CDH3: variants seen among roughly 807,000 people sequenced by gnomAD.
CDH3 encodes the protein cadherin 3.
CDH3 carries 54 observed loss-of-function variants against 82.0 expected under a neutral mutation model. The observed-to-expected ratio is 0.66, with a 90% confidence interval of 0.53 to 0.83. The LOEUF is 0.83. Ranked by LOEUF, CDH3 falls within the 40% of genes least tolerant of loss-of-function variation. The probability of loss-of-function intolerance (pLI) is 0.00; values close to 1 mark genes in which losing one functional copy is unlikely to be tolerated. For synonymous variants in CDH3, 446 were observed against 437.9 expected, an observed-to-expected ratio of 1.02 and a Z score of -0.23; for missense variants, 1,054 against 1,084.6, an observed-to-expected ratio of 0.97 and a Z score of 0.40.
At chr16:68,703,332 G>A (rs537404587), downstream of CDH3, among the ~76,000 whole-genome samples, 6 of 152,274 alleles carry the variant, frequency 3.9e-5, no homozygotes, top group Admixed American at 2.6e-4. Flanking sequence ...GCCCACAAAG[G>A]GACTCAGGGA....
intron 2 of CDH3, among the ~76,000 whole-genome samples, chr16:68,726,286 C>T (rs1466061065): frequency 6.6e-6 from 1 of 152,142 alleles, no homozygotes; most frequent in Non-Finnish European, 1.5e-5. Context: ...CTGGTTCCAG[C>T]CCTGGTCACC....
Position 68,672,560 on chromosome 16 carries a change from G to A in CDH3, c.161-3825G>A, listed in dbSNP as rs537994303. Among the ~76,000 whole-genome samples the A allele has an allele frequency of 5.6e-4, 85 of 152,308 alleles. 2 individuals are homozygous for A. In the South Asian group the frequency reaches 0.017, roughly 30 times the overall value. On this transcript the variant is annotated intron_variant, in intron 2 of 15. Coordinates refer to ENST00000264012, the MANE Select transcript of CDH3 (RefSeq NM_001793.6). The stretch of plus-strand genomic sequence containing the variant: ...TACAAAGCTGTGTGCTGGCAATAAA[G>A]GGCAGGGCCACCTGGGGATCGTGTG...
chr16:68,703,337 CAG>C (rs923835938), downstream of CDH3, among the ~76,000 whole-genome samples: 5 of 152,208 alleles, frequency 3.3e-5, no homozygotes, highest in Admixed American at 6.5e-5. Context: ...CAAAGGGACT[CAG>C]GGAGAAGACC....
intron 2 of CDH3, among the ~76,000 whole-genome samples, chr16:68,726,274 C>A (rs567657730): frequency 2.0e-5 from 3 of 152,230 alleles, no homozygotes; most frequent in South Asian, 4.1e-4. Context: ...CCAAATGCCC[C>A]TCTGGTTCCA....
intron 6 of CDH3, among the ~76,000 whole-genome samples, chr16:68,679,431 C>T (rs1028955236): frequency 2.6e-5 from 4 of 152,162 alleles, no homozygotes; most frequent in Admixed American, 1.3e-4. Flanking sequence ...CGGTGGCCCA[C>T]GCCTGGAACC....
chr16:68,717,729 C>T lies in CDH3; in HGVS notation c.100-4696C>T, dbSNP rs373580862. Among the ~76,000 whole-genome samples, 13 of 150,274 alleles carry T rather than the reference C, an allele frequency of 8.7e-5. No homozygotes were observed. The South Asian group carries it at 1.7e-3, about 19-fold the overall frequency. ...TAGACGTTGCAGTGAGTTGAGATGG[C>T]GCCATTGCACTCCAGCCTGGGGGAT... On this transcript the variant is annotated intron_variant, in intron 1 of 2. Coordinates refer to the CDH3 transcript ENST00000569080.
downstream of CDH3, among the ~76,000 whole-genome samples, chr16:68,731,952 AACT>A (rs2152112604): frequency 6.6e-6 from 1 of 152,350 alleles, no homozygotes; most frequent in Non-Finnish European, 1.5e-5. Context: ...AATTGCAAAA[AACT>A]ACTGTTGGGG....
rs771124314 is a variant in CDH3 at position 68,687,623 on chromosome 16, T to C, written c.1682T>C (p.Val561Ala). The C allele has an allele frequency of 8.1e-6, 13 of 1,613,990 alleles. No individual in the cohort carries two copies. The highest frequency in any genetic ancestry group is 1.7e-6 in the Non-Finnish European group (2 of 1,180,000). The change falls in exon 12 of 16, where the codon GTG (valine) becomes GCG (alanine). Residue 561 changes from valine to alanine, a missense_variant. Val to Ala is a moderately conservative substitution (Grantham distance 64). Transcript: ENST00000264012. ...RQITICNQSP[V>A]RQVLNITDKD... is the part of the protein sequence containing the mutation. ...ATCACCATCTGCAACCAAAGCCCTG[T>C]GCGCCAGGTGCTGAACATCACGGAC...
intron 2 of CDH3, among the ~76,000 whole-genome samples, chr16:68,662,319 A>G (rs1422773813): frequency 1.3e-5 from 2 of 152,148 alleles, no homozygotes; most frequent in Non-Finnish European, 2.9e-5. Context: ...TTTTTAGGAC[A>G]TGGTGACATG....
intron 12 of CDH3, among the ~76,000 whole-genome samples, chr16:68,689,981 C>CT (rs913347988): frequency 6.6e-6 from 1 of 152,180 alleles, no homozygotes; most frequent in African/African-American, 2.4e-5. Context: ...CAGCTCCCTT[C>CT]TTGAGAAAGT....
At chr16:68,651,197 C>G in intron 2 of CDH3, 1 of 512,180 alleles carries the variant, frequency 2.0e-6, no homozygotes, top group Non-Finnish European at 4.0e-6. Context: ...TGGTTAGCAC[C>G]CTGCAGGTAG....
chr16:68,671,884 G>T (rs939051237), intron 2 of CDH3, among the ~76,000 whole-genome samples: 4 of 152,038 alleles, frequency 2.6e-5, no homozygotes, highest in African/African-American at 9.7e-5. Flanking sequence ...GGCCATTTTA[G>T]GTACCAGTGG....
intron 15 of CDH3, among the ~76,000 whole-genome samples, chr16:68,697,847 TA>T (rs1280096383): frequency 6.6e-6 from 1 of 152,000 alleles, no homozygotes; most frequent in East Asian, 1.9e-4. Flanking sequence ...ATGCATCCTT[TA>T]AAAAAGGAAG....
At chr16:68,658,182 GC>G (rs1960458618) in intron 2 of CDH3, among the ~76,000 whole-genome samples, 1 of 151,426 alleles carries the variant, frequency 6.6e-6, no homozygotes, top group Admixed American at 6.6e-5. Context: ...TCCTGTGTGA[GC>G]CATCATTCCT....
intron 2 of CDH3, among the ~76,000 whole-genome samples, chr16:68,648,686 G>A (rs1362904566): frequency 6.6e-6 from 1 of 151,964 alleles, no homozygotes; most frequent in Non-Finnish European, 1.5e-5. Flanking sequence ...CTGGGCTCAA[G>A]CAATCTTCCC....
Position 68,682,457 on chromosome 16 carries a change from G to C in CDH3, c.1152G>C (p.Glu384Asp). The C allele has an allele frequency of 1.2e-6, 2 of 1,614,114 alleles. No homozygotes were observed. The highest frequency in any genetic ancestry group is 1.6e-4 in the Middle Eastern group (1 of 6,062). Residue 384 changes from glutamate (E) to aspartate (D), a missense_variant, in exon 9 of 16, where the codon GAG becomes GAC. Physicochemically the swap from Glu to Asp is conservative, Grantham distance 45 (BLOSUM62 2). Coordinates refer to ENST00000264012, the MANE Select transcript of CDH3 (RefSeq NM_001793.6). Reference sequence around the variant, plus strand: ...ATTTTACCATCACCACCCACCCTGAGAGCAACCAGGGCATCCTGACAACCA... The same window carrying C: ...ATTTTACCATCACCACCCACCCTGACAGCAACCAGGGCATCCTGACAACCA... ...GDHFTITTHP[E>D]SNQGILTTRK...
chr16:68,733,056 C>A, the CDH3 span, among the ~76,000 whole-genome samples: 1 of 152,208 alleles, frequency 6.6e-6, no homozygotes, highest in South Asian at 2.1e-4. Flanking sequence ...TAATCACTCA[C>A]CTTTGCAGAG....
At chr16:68,714,487 A>AT (rs1483856488) in intron 1 of CDH3, among the ~76,000 whole-genome samples, 2 of 151,966 alleles carry the variant, frequency 1.3e-5, no homozygotes, top group South Asian at 4.2e-4. Flanking sequence ...CCAAAATGTC[A>AT]TTTTTTTCCC....
At chr16:68,654,461 G>C (rs1960352251) in intron 2 of CDH3, among the ~76,000 whole-genome samples, 1 of 126,384 alleles carries the variant, frequency 7.9e-6, no homozygotes, top group Admixed American at 8.8e-5. Flanking sequence ...CCAGCACTTT[G>C]GGAGGCCGAG....
Sources: allele counts gnomAD v4.1 joint callset (sites outside exome capture counted in the v4.1 genomes callset), GRCh38; gene constraint gnomAD v4.1.1; transcripts MANE v1.5; gene names NCBI Gene and HGNC (gene_info 2026-07-23, HGNC 2026-07-21).